The following MALL variants were observed in gnomAD, a reference collection of about 807,000 sequenced individuals.
MALL encodes the protein MAL-like protein.
MALL carries 2 observed loss-of-function variants against 10.3 expected under a neutral mutation model. That is an observed-to-expected ratio of 0.19 (90% CI 0.08 to 0.61). MALL has a LOEUF of 0.61. MALL is among the 20% of genes least tolerant of loss of function. The pLI is 0.88. For missense variants in MALL, 39 were observed against 115.2 expected (o/e 0.34, Z 3.03); for synonymous variants, 27 against 51.8 (o/e 0.52, Z 2.05).
At chr2:110,095,025 A>G (rs931645255) in intron 1 of MALL, among the ~76,000 whole-genome samples, 1 of 139,774 alleles carries the variant, frequency 7.2e-6, no homozygotes, top group Non-Finnish European at 1.5e-5. Context: ...TGCAGAAGAA[A>G]GTCACTCACT....
upstream of MALL, among the ~76,000 whole-genome samples, chr2:110,117,064 A>G (rs999667988): frequency 6.6e-6 from 1 of 152,186 alleles, no homozygotes; most frequent in African/African-American, 2.4e-5. Flanking sequence ...AAGGCATTGC[A>G]AAGAAAGGCA....
intron 1 of MALL, among the ~76,000 whole-genome samples, chr2:110,100,899 G>A (rs1044134930): frequency 1.3e-5 from 2 of 152,178 alleles, no homozygotes; most frequent in Non-Finnish European, 2.9e-5. Flanking sequence ...GAGCCCTGGA[G>A]TGCCCTACCT....
intron 1 of MALL, among the ~76,000 whole-genome samples, chr2:110,105,264 C>T (rs775189904): frequency 1.3e-5 from 2 of 152,228 alleles, no homozygotes; most frequent in Non-Finnish European, 2.9e-5. Flanking sequence ...GCCAAGGGGC[C>T]AAGGTGGCCA....
chr2:110,099,666 G>A (rs6716800), intron 1 of MALL, among the ~76,000 whole-genome samples: 116,952 of 152,030 alleles, frequency 0.77, 48,930 homozygotes, highest in Non-Finnish European at 0.93. Context: ...GGCTCATCAC[G>A]TTCCCTACTA....
At chr2:110,108,735 G>T (rs988234506) in intron 1 of MALL, among the ~76,000 whole-genome samples, 2 of 152,190 alleles carry the variant, frequency 1.3e-5, no homozygotes, top group African/African-American at 4.8e-5. Context: ...TAGGCACATT[G>T]TCATCAGGTT....
At chr2:110,108,550 G>A (rs905756280) in intron 1 of MALL, among the ~76,000 whole-genome samples, 1 of 151,850 alleles carries the variant, frequency 6.6e-6, no homozygotes, top group Admixed American at 6.6e-5. Flanking sequence ...TATGTTAAAC[G>A]ACCAAGCCTA....
chr2:110,103,557 C>G (rs1043890540), intron 1 of MALL, among the ~76,000 whole-genome samples: 3 of 152,230 alleles, frequency 2.0e-5, no homozygotes, highest in East Asian at 1.9e-4. Flanking sequence ...TTCAGGGAGA[C>G]AGCTCCTGGG....
chr2:110,102,685 A>G (rs1388609057), intron 1 of MALL, among the ~76,000 whole-genome samples: 4 of 152,136 alleles, frequency 2.6e-5, no homozygotes, highest in Non-Finnish European at 4.4e-5. Context: ...ACAGACGTGT[A>G]TTTGTTTCAT....
At chr2:110,097,377 C>G (rs1369255435) in intron 1 of MALL, 1 of 440,412 alleles carries the variant, frequency 2.3e-6, no homozygotes, top group Non-Finnish European at 4.5e-6. Context: ...TAAACTAACC[C>G]CAAACAAATA....
Position 110,099,557 on chromosome 2 carries a change from T to C in MALL, c.106-7787A>G, listed in dbSNP as rs115676099. On this transcript the variant is annotated intron_variant, in intron 1 of 3. Coordinates refer to ENST00000272462, the MANE Select transcript of MALL (RefSeq NM_005434.5). ...TACAAATGATGCTGCAGCGAATACC[T>C]TGTTGCAGAGAGAGTTCTCTCATTA... Among the ~76,000 whole-genome samples, 412 of 152,292 alleles carry C rather than the reference T, an allele frequency of 2.7e-3. 2 individuals are homozygous for C. Among genetic ancestry groups the C allele is most frequent in the African/African-American group, 8.6e-3 (358 of 41,578 alleles).
intron 1 of MALL, among the ~76,000 whole-genome samples, chr2:110,095,865 A>G (rs756232317): frequency 3.3e-5 from 5 of 152,190 alleles, no homozygotes; most frequent in Non-Finnish European, 7.3e-5. Flanking sequence ...AAAAGGACTC[A>G]GCAGACTCCT....
intron 1 of MALL, among the ~76,000 whole-genome samples, chr2:110,104,725 C>T (rs1448501782): frequency 1.3e-5 from 2 of 152,180 alleles, no homozygotes; most frequent in Non-Finnish European, 2.9e-5. Context: ...GGCTGTGCAG[C>T]CCCTGCTTTT....
At position 110,109,640 on chromosome 2, in the gene MALL, G is replaced by T. The variant is rs151202629; in HGVS notation, c.105+6048C>A. On this transcript the variant is annotated intron_variant, in intron 1 of 3. Coordinates refer to ENST00000272462, the MANE Select transcript of MALL (RefSeq NM_005434.5). The stretch of plus-strand genomic sequence containing the variant: ...ATACTCCACTGACAGCACTAGACAG[G>T]CCATCATGACAGAAAGTCAATGAAG... Among the ~76,000 whole-genome samples the T allele has an allele frequency of 9.1e-3, 1,390 of 152,166 alleles. 16 individuals carry two copies. The highest frequency in any genetic ancestry group is 0.016 in the Non-Finnish European group (1,081 of 68,006).
At chr2:110,096,829 A>G (rs1678450917) in intron 1 of MALL, among the ~76,000 whole-genome samples, 1 of 152,080 alleles carries the variant, frequency 6.6e-6, no homozygotes, top group Non-Finnish European at 1.5e-5. Context: ...CCTCCAGGTT[A>G]AATAACTGTG....
intron 1 of MALL, among the ~76,000 whole-genome samples, chr2:110,098,963 A>G (rs922301816): frequency 2.6e-4 from 39 of 151,226 alleles, no homozygotes; most frequent in African/African-American, 9.4e-4. Context: ...ACTGCACTTC[A>G]GCATGGGTGA....
chr2:110,115,618 C>T, intron 1 of MALL, 70 bp downstream of exon 1: 1 of 848,594 alleles, frequency 1.2e-6, no homozygotes, highest in Non-Finnish European at 1.6e-6. Flanking sequence ...CTTCTCGGTC[C>T]GGTCTGGGTC....
At chr2:110,096,451 G>C (rs1049753159) in intron 1 of MALL, among the ~76,000 whole-genome samples, 1 of 152,056 alleles carries the variant, frequency 6.6e-6, no homozygotes, top group Non-Finnish European at 1.5e-5. Context: ...GTGAGGGTTT[G>C]GTGAGTCTGC....
intron 1 of MALL, among the ~76,000 whole-genome samples, chr2:110,113,435 CAAA>C (rs58360665): frequency 1.3e-4 from 4 of 31,814 alleles, no homozygotes; most frequent in African/African-American, 3.7e-4. Flanking sequence ...GACTCTGTCT[CAAA>C]AAAAAAAAAA....
At chr2:110,103,661 T>TA (rs1267471093) in intron 1 of MALL, among the ~76,000 whole-genome samples, 2 of 152,160 alleles carry the variant, frequency 1.3e-5, no homozygotes, top group African/African-American at 4.8e-5. Context: ...GCCTCTCTGT[T>TA]AGACTCCATG....
Sources: allele counts gnomAD v4.1 joint callset (sites outside exome capture counted in the v4.1 genomes callset), GRCh38; gene constraint gnomAD v4.1.1; transcripts MANE v1.5; gene names NCBI Gene and HGNC (gene_info 2026-07-23, HGNC 2026-07-21).